The following UBASH3B variants were observed in gnomAD, a reference collection of about 807,000 sequenced individuals.
The protein encoded by UBASH3B is ubiquitin-associated and SH3 domain-containing protein B.
A neutral mutation model predicts 83.4 loss-of-function variants in UBASH3B; 37 were observed. The observed-to-expected ratio is 0.44, with a 90% CI of 0.34 to 0.58. The LOEUF (loss-of-function observed/expected upper bound fraction) is 0.58, where lower values mean the gene tolerates loss of function less well. UBASH3B is among the 20% of genes least tolerant of loss of function. The pLI is 0.01. For missense variants in UBASH3B, 657 were observed against 827.2 expected (o/e 0.79, Z 2.52); for synonymous variants, 304 against 318.3 (o/e 0.96, Z 0.48).
At chr11:122,776,913 C>G in intron 2 of UBASH3B, 111 bp from the exon 3 acceptor site, 1 of 1,040,002 alleles carries the variant, frequency 9.6e-7, no homozygotes, top group Non-Finnish European at 1.4e-6. Context: ...AACCCTTCCC[C>G]GCGCTGTGCC....
intron 8 of UBASH3B, 147 bp from the exon 9 acceptor site, chr11:122,796,764 G>A: frequency 3.8e-6 from 4 of 1,039,358 alleles, no homozygotes; most frequent in Non-Finnish European, 5.5e-6. Flanking sequence ...CAAAATGTCA[G>A]CCTTGATATT....
chr11:122,812,548 A>T lies in UBASH3B; in HGVS notation c.*2662A>T, dbSNP rs1239248581. On this transcript the variant is annotated 3_prime_UTR_variant, in exon 14 of 14. Coordinates refer to ENST00000284273, the MANE Select transcript of UBASH3B (RefSeq NM_032873.5). ...AGAGGAGAAGGAAGGGCAAGGAAGG[A>T]ATTGACAGATAAGAAGCAAATGGTT... 1 of 152,222 alleles carries T rather than the reference A, an allele frequency of 6.6e-6. No individual in the cohort carries two copies. The highest frequency in any genetic ancestry group is 2.4e-5 in the African/African-American group (1 of 41,452). The allele number at this position is 152,222 out of a possible 1,614,324, so 9.4% of individuals were successfully genotyped here.
chr11:122,661,620 T>C (rs1204048923), intron 1 of UBASH3B, among the ~76,000 whole-genome samples: 1 of 152,228 alleles, frequency 6.6e-6, no homozygotes, highest in Non-Finnish European at 1.5e-5. Flanking sequence ...TAACACGCCC[T>C]TCTATCTGTG....
At chr11:122,767,554 A>T (rs895848502) in intron 1 of UBASH3B, among the ~76,000 whole-genome samples, 1 of 151,830 alleles carries the variant, frequency 6.6e-6, no homozygotes, top group East Asian at 2.0e-4. Flanking sequence ...CTCGTGATCC[A>T]CCCGCCTCGG....
chr11:122,813,564 G>A lies in UBASH3B; in HGVS notation c.*3678G>A, dbSNP rs1293268186. The A allele has an allele frequency of 6.6e-6, 1 of 152,168 alleles. No individual in the cohort carries two copies. 9.4% of individuals were successfully genotyped at this position (152,168 alleles called of 1,614,324 possible). ...CTGAGTCTGCACGAACTTAGATAATGAGGTGCAGGGTTATTTGCATTTAAA... is the reference window on the plus strand; with the variant it reads ...CTGAGTCTGCACGAACTTAGATAATAAGGTGCAGGGTTATTTGCATTTAAA... On this transcript the variant is annotated 3_prime_UTR_variant, in exon 14 of 14. Transcript: ENST00000284273.
Position 122,729,795 on chromosome 11 carries a change from C to CAAAA in UBASH3B, c.162-46403_162-46400dup, listed in dbSNP as rs71054092. On this transcript the variant is annotated intron_variant, in intron 1 of 13. Transcript: ENST00000284273. Reference sequence around the variant, plus strand: ...GCAACATAGCAAGACCCTATCTCTACAAAAAAAAAAAAAAAAAAAAAAAAC... The same window carrying CAAAA: ...GCAACATAGCAAGACCCTATCTCTACAAAAAAAAAAAAAAAAAAAAAAAAAAAAC... 7.0e-3 allele frequency among the ~76,000 whole-genome samples: 288 copies of CAAAA among 40,874 alleles called. 14 individuals carry two copies. The highest frequency in any genetic ancestry group is 0.024 in the Middle Eastern group (1 of 42). The allele number at this position is 40,874 out of a possible 152,430, so 26.8% of individuals were successfully genotyped here.
intron 1 of UBASH3B, among the ~76,000 whole-genome samples, chr11:122,692,342 T>A (rs1322876762): frequency 6.6e-6 from 1 of 152,214 alleles, no homozygotes; most frequent in African/African-American, 2.4e-5. Context: ...TGCTAAACAT[T>A]CATTCTTTTC....
chr11:122,685,544 T>C (rs1025945584), intron 1 of UBASH3B, among the ~76,000 whole-genome samples: 6 of 152,186 alleles, frequency 3.9e-5, no homozygotes, highest in African/African-American at 1.4e-4. Flanking sequence ...TATTTTTTTG[T>C]GTCGCTCTGT....
rs939008718 is a variant in UBASH3B, at chr11:122,695,590, CT to C, written c.161+39388del. 3.3e-5 allele frequency among the ~76,000 whole-genome samples: 5 copies of C among 152,040 alleles called. No individual in the cohort carries two copies. The East Asian group carries it at 5.8e-4, about 18-fold the overall frequency. On this transcript the variant is annotated intron_variant, in intron 1 of 13. Coordinates refer to ENST00000284273, the MANE Select transcript of UBASH3B (RefSeq NM_032873.5). ...TTAGGAGACTCTGTGGTTTTCTTTCCTTTTTTTTCTTTTCTTTTTTACTTTT... is the reference window on the plus strand; with the variant it reads ...TTAGGAGACTCTGTGGTTTTCTTTCCTTTTTTTCTTTTCTTTTTTACTTTT...
intron 1 of UBASH3B, among the ~76,000 whole-genome samples, chr11:122,662,425 T>C (rs1863457194): frequency 6.6e-6 from 1 of 150,946 alleles, no homozygotes; most frequent in African/African-American, 2.4e-5. Flanking sequence ...GCTTTTTCTT[T>C]TCTTTTCTTT....
At chr11:122,688,654 TA>T (rs202230444) in intron 1 of UBASH3B, among the ~76,000 whole-genome samples, 225 of 129,572 alleles carry the variant, frequency 1.7e-3, no homozygotes, top group South Asian at 4.8e-3. Flanking sequence ...TATTTTATTT[TA>T]TTTTTTTGAG....
At chr11:122,677,862 C>T (rs911291524) in intron 1 of UBASH3B, among the ~76,000 whole-genome samples, 1 of 152,210 alleles carries the variant, frequency 6.6e-6, no homozygotes, top group Admixed American at 6.5e-5. Flanking sequence ...ACCTCTGCCT[C>T]CCAGATTCAA....
chr11:122,779,762 A>AGG, intron 4 of UBASH3B, 67 bp downstream of exon 4: 2 of 1,586,866 alleles, frequency 1.3e-6, no homozygotes, highest in Non-Finnish European at 1.7e-6. Context: ...GAAAAAGGAT[A>AGG]GGAAATAGTG....
At chr11:122,752,670 T>C (rs1189231988) in intron 1 of UBASH3B, among the ~76,000 whole-genome samples, 4 of 152,192 alleles carry the variant, frequency 2.6e-5, no homozygotes, top group Non-Finnish European at 4.4e-5. Context: ...TTTGGCAGAA[T>C]TATTTTCTTG....
In UBASH3B at chr11:122,694,954, C is replaced by CTTTTTTTTTTTT. The variant is rs71054088; in HGVS notation, c.161+38760_161+38771dup. 5.0e-4 allele frequency among the ~76,000 whole-genome samples: 25 copies of CTTTTTTTTTTTT among 50,414 alleles called. 3 individuals are homozygous for CTTTTTTTTTTTT. The highest frequency in any genetic ancestry group is 7.1e-4 in the Non-Finnish European group (20 of 28,038). The allele number at this position is 50,414 out of a possible 152,430, so 33.1% of individuals were successfully genotyped here. On this transcript the variant is annotated intron_variant, in intron 1 of 13. Coordinates refer to ENST00000284273, the MANE Select transcript of UBASH3B (RefSeq NM_032873.5). ...TATTTATTTTTCTTTTCTTTTCTTT[C>CTTTTTTTTTTTT]TTTTTTTTTTTTTTTTTTTTTTTTT...
At chr11:122,669,702 C>A (rs536336228) in intron 1 of UBASH3B, among the ~76,000 whole-genome samples, 2 of 152,170 alleles carry the variant, frequency 1.3e-5, no homozygotes, top group African/African-American at 2.4e-5. Flanking sequence ...GTGTGCCAGA[C>A]AATATTTTAA....
At chr11:122,687,433 G>T (rs1479145508) in intron 1 of UBASH3B, among the ~76,000 whole-genome samples, 1 of 152,072 alleles carries the variant, frequency 6.6e-6, no homozygotes, top group Admixed American at 6.5e-5. Flanking sequence ...CACAGCACTG[G>T]GCGTCCAGTG....
intron 5 of UBASH3B, among the ~76,000 whole-genome samples, 186 bp from the exon 6 acceptor site, chr11:122,788,914 C>A (rs1404591223): frequency 6.6e-6 from 1 of 152,192 alleles, no homozygotes; most frequent in African/African-American, 2.4e-5. Flanking sequence ...ACCGTCAATA[C>A]CCTGAAGAGA....
At chr11:122,752,723 G>C (rs966024006) in intron 1 of UBASH3B, among the ~76,000 whole-genome samples, 5 of 152,208 alleles carry the variant, frequency 3.3e-5, no homozygotes, top group African/African-American at 1.2e-4. Context: ...AAGGCAGGGA[G>C]AGCCGTTGAA....
Sources: gnomAD v4.1 joint callset for allele counts (sites outside exome capture counted in the v4.1 genomes callset) on GRCh38, gnomAD v4.1.1 for gene constraint, MANE v1.5 for transcripts, NCBI Gene and HGNC (gene_info 2026-07-23, HGNC 2026-07-21) for gene names.